Variants in SP1 observed in about 807,000 individuals in gnomAD.
SP1 encodes transcription factor Sp1.
Under a neutral mutation model 66.3 loss-of-function variants are expected in SP1, and 6 were observed. That is an observed-to-expected ratio of 0.09 (90% CI 0.05 to 0.18). The LOEUF (loss-of-function observed/expected upper bound fraction) is 0.18. SP1 is among the 10% of genes least tolerant of loss of function. The probability of loss-of-function intolerance (pLI) is 1.00; values close to 1 mark genes in which losing one functional copy is unlikely to be tolerated. For synonymous variants in SP1, 417 were observed against 360.8 expected (o/e 1.16, Z -1.77); for missense variants, 848 against 964.5 (o/e 0.88, Z 1.60).
At chr12:53,388,605 A>G (rs569907002) in intron 3 of SP1, among the ~76,000 whole-genome samples, 23 of 152,220 alleles carry the variant, frequency 1.5e-4, no homozygotes, top group African/African-American at 5.5e-4. Context: ...AATTGATATG[A>G]CTTCATCCTT....
At position 53,414,851 on chromosome 12, in the gene SP1, G is replaced by A. The variant is rs1483743702; in HGVS notation, c.*3611G>A. On this transcript the variant is annotated 3_prime_UTR_variant, in exon 6 of 6. Transcript: ENST00000327443. ...GTGCTACTTGCTTGAAGTTTTCAGT[G>A]TAAGTACCCTGATGCCTTTTGGACC... is the stretch of plus-strand genomic sequence containing the variant. 1 of 152,562 alleles carries A rather than the reference G, an allele frequency of 6.6e-6. No individual in the cohort carries two copies. Among genetic ancestry groups the A allele is most frequent in the Non-Finnish European group, 1.5e-5 (1 of 68,036 alleles). 9.5% of individuals were successfully genotyped at this position (152,562 alleles called of 1,614,324 possible).
chr12:53,391,020 T>C (rs971470206), intron 3 of SP1, among the ~76,000 whole-genome samples: 5 of 152,178 alleles, frequency 3.3e-5, no homozygotes, highest in Admixed American at 1.3e-4. Flanking sequence ...AAGATGAACA[T>C]CTGTAGGAAA....
chr12:53,399,975 A>G (rs1345973620), intron 3 of SP1, among the ~76,000 whole-genome samples: 1 of 152,174 alleles, frequency 6.6e-6, no homozygotes, highest in African/African-American at 2.4e-5. Flanking sequence ...CATGTTGGCC[A>G]GGATGGTCTC....
rs1385161855 is a variant in SP1 at position 53,411,494 on chromosome 12, C to T, written c.*254C>T. 1.3e-5 allele frequency: 5 copies of T among 398,132 alleles called. No homozygotes were observed. Among genetic ancestry groups the T allele is most frequent in the South Asian group, 5.8e-5 (1 of 17,212 alleles). 24.7% of individuals were successfully genotyped at this position (398,132 alleles called of 1,614,324 possible). A position where few individuals can be genotyped will look rare whatever the true frequency, so the allele number is the denominator to read the frequency against. ...ACGCTTTGATGAGCATTTGTTTGAC[C>T]CCAGTTTCTTCTTACACTTCTTACC... On this transcript the variant is annotated 3_prime_UTR_variant, in exon 6 of 6. Coordinates refer to ENST00000327443, the MANE Select transcript of SP1 (RefSeq NM_138473.3).
At chr12:53,399,973 C>T (rs1938573441) in intron 3 of SP1, among the ~76,000 whole-genome samples, 1 of 152,126 alleles carries the variant, frequency 6.6e-6, no homozygotes, top group African/African-American at 2.4e-5. Context: ...ATCATGTTGG[C>T]CAGGATGGTC....
At chr12:53,396,983 T>A (rs1239420116) in intron 3 of SP1, among the ~76,000 whole-genome samples, 1 of 152,046 alleles carries the variant, frequency 6.6e-6, no homozygotes, top group African/African-American at 2.4e-5. Flanking sequence ...AAAAATCATT[T>A]TTTTTCCTTT....
At chr12:53,403,262 G>A (rs1422797612) in intron 3 of SP1, among the ~76,000 whole-genome samples, 1 of 152,200 alleles carries the variant, frequency 6.6e-6, no homozygotes, top group African/African-American at 2.4e-5. Context: ...ATTTCTAGAT[G>A]TTAAGTCTGT....
chr12:53,405,732 G>A (rs1938719646), intron 3 of SP1, among the ~76,000 whole-genome samples: 1 of 150,786 alleles, frequency 6.6e-6, no homozygotes, highest in African/African-American at 2.5e-5. Context: ...GGAAGGAAGA[G>A]AGAGAGGGAG....
chr12:53,402,833 G>A (rs1013296764), intron 3 of SP1, among the ~76,000 whole-genome samples: 1 of 151,974 alleles, frequency 6.6e-6, no homozygotes, highest in Non-Finnish European at 1.5e-5. Flanking sequence ...GAGCGTGGTG[G>A]TGCATGCCTG....
intron 3 of SP1, among the ~76,000 whole-genome samples, chr12:53,384,438 C>T (rs1166480167): frequency 6.6e-6 from 1 of 151,858 alleles, no homozygotes; most frequent in East Asian, 1.9e-4. Flanking sequence ...GCGAGCACCA[C>T]CACGCCCAGC....
rs1938134416 is a variant in SP1, at chr12:53,382,697, T to A, written c.750T>A (p.Thr250=). The A allele has an allele frequency of 2.5e-6, 4 of 1,614,138 alleles. No individual in the cohort carries two copies. The highest frequency in any genetic ancestry group is 3.4e-6 in the Non-Finnish European group (4 of 1,180,020). Residue 250 remains threonine, a synonymous_variant, in exon 3 of 6, where the codon ACT becomes ACA. Coordinates refer to ENST00000327443, the MANE Select transcript of SP1 (RefSeq NM_138473.3). The part of the protein sequence containing the change: ...GLANNVLSGQ[T]QYVTNVPVAL... ...CTAATAATGTACTCTCAGGACAGAC[T>A]CAGTATGTGACCAATGTACCAGTGG...
At chr12:53,397,853 C>T (rs964103071) in intron 3 of SP1, among the ~76,000 whole-genome samples, 3 of 152,146 alleles carry the variant, frequency 2.0e-5, no homozygotes, top group South Asian at 2.1e-4. Context: ...TGCGCCCGAC[C>T]GTAGATAATC....
At position 53,382,405 on chromosome 12, in the gene SP1, C is replaced by T. The variant is rs749319397; in HGVS notation, c.458C>T (p.Pro153Leu). ...SGGQYVVAAA[P>L]NLQNQQVLTG... ...GGGCAGTATGTTGTGGCTGCCGCTC[C>T]CAACTTACAGAACCAGCAAGTTCTG... is the stretch of plus-strand genomic sequence containing the variant. The change falls in exon 3 of 6, where the codon CCC becomes CTC. Residue 153 changes from proline to leucine, a missense_variant. By Grantham distance (98) the Pro-to-Leu change is moderately conservative (BLOSUM62 -3). Transcript: ENST00000327443. 1.2e-6 allele frequency: 2 copies of T among 1,614,192 alleles called. No individual in the cohort carries two copies. The highest frequency in any genetic ancestry group is 1.7e-6 in the Non-Finnish European group (2 of 1,180,034).
At chr12:53,396,026 G>A (rs988151803) in intron 3 of SP1, among the ~76,000 whole-genome samples, 4 of 151,914 alleles carry the variant, frequency 2.6e-5, no homozygotes, top group African/African-American at 7.3e-5. Flanking sequence ...AGGCTGAGGC[G>A]GGAGAATCAC....
At chr12:53,380,406 C>A in intron 1 of SP1, 108 bp downstream of exon 1, 2 of 962,310 alleles carry the variant, frequency 2.1e-6, no homozygotes, top group Non-Finnish European at 1.4e-6. Context: ...CGGGAGGCGG[C>A]GGCGGCGGCG....
chr12:53,390,945 G>A (rs1379833573), intron 3 of SP1, among the ~76,000 whole-genome samples: 4 of 152,068 alleles, frequency 2.6e-5, no homozygotes, highest in Non-Finnish European at 5.9e-5. Flanking sequence ...GCATGTAAAC[G>A]TGCAACTAAT....
At chr12:53,400,716 G>T (rs1271409703) in intron 3 of SP1, among the ~76,000 whole-genome samples, 1 of 150,938 alleles carries the variant, frequency 6.6e-6, no homozygotes, top group African/African-American at 2.4e-5. Context: ...AGCCTCCGGA[G>T]TAGCTGGGAT....
chr12:53,403,738 T>C (rs1938664900), intron 3 of SP1, among the ~76,000 whole-genome samples: 1 of 152,064 alleles, frequency 6.6e-6, no homozygotes, highest in African/African-American at 2.4e-5. Flanking sequence ...GTAAATGCTT[T>C]GAAAATTTGA....
intron 3 of SP1, among the ~76,000 whole-genome samples, chr12:53,392,715 G>A (rs1938383918): frequency 6.6e-6 from 1 of 151,066 alleles, no homozygotes; most frequent in Admixed American, 6.6e-5. Flanking sequence ...GGCTGGTCTC[G>A]AACTCCTGAC....
Sources: allele counts gnomAD v4.1 joint callset (sites outside exome capture counted in the v4.1 genomes callset), GRCh38; gene constraint gnomAD v4.1.1; transcripts MANE v1.5; gene names NCBI Gene and HGNC (gene_info 2026-07-23, HGNC 2026-07-21).